ZNF469: variants seen among roughly 807,000 people sequenced by gnomAD.
The protein encoded by ZNF469 is zinc finger protein 469.
A neutral mutation model predicts 1.0 loss-of-function variants in ZNF469; 1 was observed. That is an observed-to-expected ratio of 1.00 (90% CI 0.35 to 4.73). The LOEUF is 4.73. Ranked by LOEUF, ZNF469 falls within the 30% of genes most tolerant of loss-of-function variation. The pLI, the probability that ZNF469 is intolerant of heterozygous loss-of-function variation, is 0.16. For synonymous variants in ZNF469, 2,703 were observed against 2,363.4 expected (o/e 1.14, Z -4.17); for missense variants, 6,100 against 5,356.3 (o/e 1.14, Z -4.33).
the ZNF469 span, among the ~76,000 whole-genome samples, chr16:88,284,706 C>T: frequency 6.6e-6 from 1 of 152,078 alleles, no homozygotes; most frequent in East Asian, 1.9e-4. Flanking sequence ...CCAAGGAGAG[C>T]AGCAGGTGCT....
Position 88,439,241 on chromosome 16 carries a change from C to T in ZNF469, c.11771C>T (p.Thr3924Met), listed in dbSNP as rs139259830. 9.6e-5 allele frequency: 149 copies of T among 1,550,508 alleles called. No homozygotes were observed. Among genetic ancestry groups the T allele is most frequent in the South Asian group, 1.9e-4 (16 of 84,062 alleles). Residue 3924 changes from threonine (T) to methionine (M), a missense_variant, in exon 3 of 3, where the codon ACG becomes ATG. Coordinates refer to ENST00000565624, the MANE Select transcript of ZNF469 (RefSeq NM_001367624.2). ...AEPAEPHTHR[T>M]AEAQSDLLSQ... ...CCTGCCGAGCCACACACCCACCGGACGGCCGAGGCCCAGAGTGACCTCCTC... is the reference window on the plus strand; with the variant it reads ...CCTGCCGAGCCACACACCCACCGGATGGCCGAGGCCCAGAGTGACCTCCTC...
chr16:88,353,932 C>G, the ZNF469 span, among the ~76,000 whole-genome samples: 1 of 152,216 alleles, frequency 6.6e-6, no homozygotes, highest in Non-Finnish European at 1.5e-5. Context: ...AAGGTAAAGC[C>G]TGTCGTCTCA....
the ZNF469 span, among the ~76,000 whole-genome samples, chr16:88,353,050 G>T: frequency 2.0e-5 from 3 of 152,168 alleles, no homozygotes; most frequent in Non-Finnish European, 4.4e-5. Flanking sequence ...GTCTGGGCAG[G>T]GAGAGACCAG....
At chr16:88,363,711 T>C in the ZNF469 span, among the ~76,000 whole-genome samples, 1 of 152,134 alleles carries the variant, frequency 6.6e-6, no homozygotes, top group Non-Finnish European at 1.5e-5. Context: ...GACATTAGAG[T>C]CATCTCTCAG....
the ZNF469 span, among the ~76,000 whole-genome samples, chr16:88,375,028 G>A: frequency 6.6e-6 from 1 of 152,258 alleles, no homozygotes; most frequent in African/African-American, 2.4e-5. Context: ...CGAAGCGCTG[G>A]GACTGTGCAC....
the ZNF469 span, among the ~76,000 whole-genome samples, chr16:88,122,892 G>C: frequency 2.2e-4 from 34 of 152,104 alleles, 1 homozygote; most frequent in East Asian, 5.8e-4. Context: ...CCCCAGGCTG[G>C]AGTGCAGTGG....
At chr16:88,121,892 C>T in the ZNF469 span, among the ~76,000 whole-genome samples, 16 of 152,236 alleles carry the variant, frequency 1.1e-4, no homozygotes, top group African/African-American at 2.2e-4. Context: ...CGTGGTAACG[C>T]GTACAGAGAT....
the ZNF469 span, among the ~76,000 whole-genome samples, chr16:88,277,372 T>A: frequency 6.7e-6 from 1 of 150,350 alleles, no homozygotes; most frequent in Non-Finnish European, 1.5e-5. Context: ...TAGATATCAT[T>A]AGTGCTGTGC....
rs1177927665 is a variant in ZNF469, at chr16:88,436,922, G to A, written c.9452G>A (p.Arg3151His). Reference protein sequence around the residue: ...PPPTCYMCVERRFGSRELLRG... With the variant: ...PPPTCYMCVEHRFGSRELLRG... ...CCCACCTGCTACATGTGCGTGGAGCGCAGGTTTGGCTCGCGGGAGCTGCTG... is the reference window on the plus strand; with the variant it reads ...CCCACCTGCTACATGTGCGTGGAGCACAGGTTTGGCTCGCGGGAGCTGCTG... Residue 3151 changes from arginine to histidine, a missense_variant, in exon 3 of 3, where the codon CGC becomes CAC. Coordinates refer to ENST00000565624, the MANE Select transcript of ZNF469 (RefSeq NM_001367624.2). 5 of 1,497,362 alleles carry A rather than the reference G, an allele frequency of 3.3e-6. No homozygotes were observed. The highest frequency in any genetic ancestry group is 1.3e-5 in the South Asian group (1 of 78,214). 92.8% of individuals were successfully genotyped at this position (1,497,362 alleles called of 1,614,324 possible).
the ZNF469 span, among the ~76,000 whole-genome samples, chr16:88,145,850 G>A: frequency 6.6e-6 from 1 of 152,260 alleles, no homozygotes. Flanking sequence ...GGCCATGAGG[G>A]CAGTGGGTGG....
chr16:88,204,624 G>GC, the ZNF469 span, among the ~76,000 whole-genome samples: 1 of 152,222 alleles, frequency 6.6e-6, no homozygotes, highest in Non-Finnish European at 1.5e-5. Context: ...AGCCGCCTTG[G>GC]CCAGAATGCA....
At chr16:88,314,884 A>C in the ZNF469 span, among the ~76,000 whole-genome samples, 39 of 141,138 alleles carry the variant, frequency 2.8e-4, no homozygotes, top group Admixed American at 2.5e-3. Flanking sequence ...TCTGTAATTA[A>C]GATGATGCTG....
chr16:88,154,917 C>G, the ZNF469 span, among the ~76,000 whole-genome samples: 2 of 152,250 alleles, frequency 1.3e-5, no homozygotes, highest in African/African-American at 4.8e-5. Flanking sequence ...CATCCAGGAA[C>G]AGCTGGCAAG....
chr16:88,291,448 C>T, the ZNF469 span, among the ~76,000 whole-genome samples: 1 of 152,196 alleles, frequency 6.6e-6, no homozygotes, highest in Non-Finnish European at 1.5e-5. Context: ...AACTTCTGTC[C>T]TTCGCCAAGT....
At chr16:88,336,661 G>T in the ZNF469 span, among the ~76,000 whole-genome samples, 1 of 152,046 alleles carries the variant, frequency 6.6e-6, no homozygotes, top group African/African-American at 2.4e-5. Flanking sequence ...CATCCTTCAC[G>T]TGAGACACCG....
At position 88,439,187 on chromosome 16, in the gene ZNF469, A is replaced by C. The variant is rs1381359439; in HGVS notation, c.11717A>C (p.Lys3906Thr). ...GGGAGACCCCTGCTCAGGCCCCCCA[A>C]GAGGGGCACAGCTGTCCACGGTGCT... ...PQGRPLLRPP[K>T]RGTAVHGAEP... Residue 3906 changes from lysine (K) to threonine (T), a missense_variant, in exon 3 of 3, where the codon AAG becomes ACG. Coordinates refer to ENST00000565624, the MANE Select transcript of ZNF469 (RefSeq NM_001367624.2). 6.5e-7 allele frequency: 1 copy of C among 1,550,286 alleles called. No homozygotes were observed. Among genetic ancestry groups the C allele is most frequent in the East Asian group, 2.4e-5 (1 of 40,936 alleles).
chr16:88,370,232 A>C, the ZNF469 span, among the ~76,000 whole-genome samples: 2 of 152,220 alleles, frequency 1.3e-5, no homozygotes, highest in African/African-American at 4.8e-5. Flanking sequence ...AGCATCAATA[A>C]GAACAAGCCT....
At chr16:88,404,753 G>C (rs35406433) in intron 1 of ZNF469, among the ~76,000 whole-genome samples, 3,568 of 152,148 alleles carry the variant, frequency 0.023, 46 homozygotes, top group Admixed American at 0.034. Context: ...AGGTAGCTAG[G>C]GACCACAGGG....
At chr16:88,113,067 C>T in the ZNF469 span, among the ~76,000 whole-genome samples, 7 of 152,014 alleles carry the variant, frequency 4.6e-5, no homozygotes, top group African/African-American at 1.4e-4. Context: ...TGTGAGCCAC[C>T]GCGCCTGGCC....
Sources: allele counts gnomAD v4.1 joint callset (sites outside exome capture counted in the v4.1 genomes callset), GRCh38; gene constraint gnomAD v4.1.1; transcripts MANE v1.5; gene names NCBI Gene and HGNC (gene_info 2026-07-23, HGNC 2026-07-21).